NPAS3: variants seen among roughly 807,000 people sequenced by gnomAD.
NPAS3 encodes neuronal PAS domain protein 3.
A neutral mutation model predicts 73.1 loss-of-function variants in NPAS3; 14 were observed. That is an observed-to-expected ratio of 0.19 (90% CI 0.13 to 0.30). NPAS3 has a LOEUF of 0.30. Ranked by LOEUF, NPAS3 falls within the 10% of genes least tolerant of loss-of-function variation. The pLI is 1.00. For synonymous variants in NPAS3, 620 were observed against 541.5 expected, an observed-to-expected ratio of 1.14 and a Z score of -2.01; for missense variants, 1,096 against 1,250.0, an observed-to-expected ratio of 0.88 and a Z score of 1.86.
rs371926709 is a variant in NPAS3 at position 32,944,253 on chromosome 14, C to T, written c.50+4887C>T. On this transcript the variant is annotated intron_variant, in intron 1 of 11. Coordinates refer to ENST00000356141, the Ensembl canonical transcript of NPAS3. ...ACACAGTCACTTTTTCTGCGTATAA[C>T]ATTTAATCATTCTAATTGATTTTTT... Among the ~76,000 whole-genome samples, 546 of 152,256 alleles carry T rather than the reference C, an allele frequency of 3.6e-3. 1 individual carries two copies. Among genetic ancestry groups the T allele is most frequent in the African/African-American group, 0.012 (509 of 41,536 alleles).
At chr14:33,528,211 A>C (rs1382773022) in intron 4 of NPAS3, among the ~76,000 whole-genome samples, 1 of 151,936 alleles carries the variant, frequency 6.6e-6, no homozygotes, top group Non-Finnish European at 1.5e-5. Flanking sequence ...CCACGAGTTT[A>C]ATGTGCCCAC....
intron 2 of NPAS3, among the ~76,000 whole-genome samples, chr14:33,155,725 G>A (rs1241032078): frequency 1.3e-5 from 2 of 152,142 alleles, no homozygotes; most frequent in Non-Finnish European, 2.9e-5. Flanking sequence ...GTGGTCTGCA[G>A]GTGTGTGTGT....
chr14:33,498,804 C>T lies in NPAS3; in HGVS notation c.469-61317C>T, dbSNP rs141090061. ...ACCTATGTAACAAACTTGCATGTTC[C>T]GCACACGTATCCCAGAACTTAAAGT... On this transcript the variant is annotated intron_variant, in intron 4 of 11. Coordinates refer to ENST00000356141, the Ensembl canonical transcript of NPAS3. 2.2e-3 allele frequency among the ~76,000 whole-genome samples: 327 copies of T among 151,876 alleles called. 1 individual carries two copies. Among genetic ancestry groups the T allele is most frequent in the African/African-American group, 7.1e-3 (293 of 41,444 alleles).
chr14:33,758,972 T>C (rs2062200280), intron 7 of NPAS3, among the ~76,000 whole-genome samples: 2 of 152,252 alleles, frequency 1.3e-5, no homozygotes, highest in African/African-American at 4.8e-5. Flanking sequence ...TAACAATCAA[T>C]TAATAAATGT....
At chr14:33,262,985 G>A (rs1443285646) in intron 3 of NPAS3, among the ~76,000 whole-genome samples, 1 of 151,864 alleles carries the variant, frequency 6.6e-6, no homozygotes, top group Non-Finnish European at 1.5e-5. Flanking sequence ...TTTTTTTCTT[G>A]TAAATTTGAG....
intron 3 of NPAS3, among the ~76,000 whole-genome samples, chr14:33,249,480 T>C (rs1464830825): frequency 2.0e-5 from 3 of 152,026 alleles, no homozygotes; most frequent in African/African-American, 7.2e-5. Context: ...TGTCTCCCTT[T>C]CCTGTTAAGC....
intron 1 of NPAS3, among the ~76,000 whole-genome samples, chr14:32,992,633 A>G (rs1443792975): frequency 2.0e-5 from 3 of 152,164 alleles, no homozygotes; most frequent in African/African-American, 4.8e-5. Context: ...TATAGTGACC[A>G]TATTTTCTGA....
intron 1 of NPAS3, among the ~76,000 whole-genome samples, chr14:33,054,618 T>C (rs2040819508): frequency 6.7e-6 from 1 of 150,274 alleles, no homozygotes; most frequent in South Asian, 2.1e-4. Context: ...ATCTGAGTTT[T>C]TTTTTTTTTT....
chr14:33,213,582 C>A, intron 2 of NPAS3: 1 of 152,048 alleles, frequency 6.6e-6, no homozygotes, highest in East Asian at 1.9e-4. Context: ...GAGGCTGGCC[C>A]AGATATTGGG....
At chr14:33,784,747 T>TTATTTATTTTA (rs1445918357) in intron 9 of NPAS3, among the ~76,000 whole-genome samples, 1 of 103,040 alleles carries the variant, frequency 9.7e-6, no homozygotes, top group African/African-American at 5.3e-5. Flanking sequence ...ATTTATTTAT[T>TTATTTATTTTA]TTTTTTTTTT....
intron 5 of NPAS3, among the ~76,000 whole-genome samples, chr14:33,624,117 A>G (rs1235027491): frequency 6.6e-6 from 1 of 152,166 alleles, no homozygotes; most frequent in African/African-American, 2.4e-5. Flanking sequence ...ATTTTTTTCC[A>G]TAATACTTGC....
At chr14:33,094,664 C>T (rs945318809) in intron 2 of NPAS3, among the ~76,000 whole-genome samples, 6 of 152,070 alleles carry the variant, frequency 3.9e-5, no homozygotes, top group Non-Finnish European at 5.9e-5. Flanking sequence ...TGAGGCTTCA[C>T]CTTTTTGGCC....
At chr14:33,380,477 T>A (rs1242805339) in intron 4 of NPAS3, among the ~76,000 whole-genome samples, 1 of 152,174 alleles carries the variant, frequency 6.6e-6, no homozygotes, top group Non-Finnish European at 1.5e-5. Context: ...AGCTGTTTTT[T>A]AATAGCTGTT....
intron 1 of NPAS3, among the ~76,000 whole-genome samples, chr14:32,975,765 C>CAAA (rs951228817): frequency 4.6e-5 from 7 of 151,800 alleles, no homozygotes; most frequent in South Asian, 2.1e-4. Flanking sequence ...CAAAACAAAA[C>CAAA]AACAGCAACA....
chr14:33,099,957 G>T (rs1284215964), intron 2 of NPAS3, among the ~76,000 whole-genome samples: 1 of 152,120 alleles, frequency 6.6e-6, no homozygotes, highest in Non-Finnish European at 1.5e-5. Context: ...TAAAATTTAA[G>T]TTTTCCATTA....
At chr14:33,641,293 T>C (rs1469547936) in intron 5 of NPAS3, among the ~76,000 whole-genome samples, 2 of 152,228 alleles carry the variant, frequency 1.3e-5, no homozygotes, top group African/African-American at 2.4e-5. Flanking sequence ...AGAATGCAGA[T>C]TTCTTTGCTG....
chr14:33,163,022 T>G (rs1342101368), intron 2 of NPAS3, among the ~76,000 whole-genome samples: 3 of 152,214 alleles, frequency 2.0e-5, no homozygotes, highest in Non-Finnish European at 4.4e-5. Context: ...GTGACACCTC[T>G]TAACATCATG....
chr14:33,451,506 C>G (rs1487486345), intron 4 of NPAS3, among the ~76,000 whole-genome samples: 1 of 152,176 alleles, frequency 6.6e-6, no homozygotes, highest in Non-Finnish European at 1.5e-5. Context: ...TGTCCAGAAA[C>G]TGTTACTATT....
intron 2 of NPAS3, among the ~76,000 whole-genome samples, chr14:33,111,272 T>G (rs2042883435): frequency 1.3e-5 from 2 of 152,184 alleles, no homozygotes; most frequent in African/African-American, 4.8e-5. Context: ...AGGGAGCCGC[T>G]CACTGGGCCC....
Sources: gnomAD v4.1 joint callset for allele counts (sites outside exome capture counted in the v4.1 genomes callset) on GRCh38, gnomAD v4.1.1 for gene constraint, MANE v1.5 for transcripts, NCBI Gene and HGNC (gene_info 2026-07-23, HGNC 2026-07-21) for gene names.